The following SLC28A2 variants were observed in gnomAD, a reference collection of about 807,000 sequenced individuals.
The protein encoded by SLC28A2 is solute carrier family 28 member 2.
Under a neutral mutation model 72.9 loss-of-function variants are expected in SLC28A2, and 69 were observed. The ratio of observed to expected loss-of-function variants is 0.95; its 90% CI spans 0.78 to 1.16. SLC28A2 has a LOEUF of 1.16. SLC28A2 is among the 50% of genes most tolerant of loss of function. The probability of loss-of-function intolerance (pLI) is 0.00; values close to 1 mark genes in which losing one functional copy is unlikely to be tolerated. For missense variants in SLC28A2, 745 were observed against 791.1 expected, an observed-to-expected ratio of 0.94 and a Z score of 0.70; for synonymous variants, 296 against 294.1, an observed-to-expected ratio of 1.01 and a Z score of -0.07.
At position 45,264,042 on chromosome 15, in the gene SLC28A2, G is replaced by C. The variant is rs1311317682; in HGVS notation, c.588+20G>C. ...AGCGCAGTGAGTTTTGGGTATTTGG[G>C]TTGGGTATAGCAACACATGGCCAAG... On this transcript the variant is annotated intron_variant, in intron 6 of 17. Transcript: ENST00000347644. 1 of 1,601,168 alleles carries C rather than the reference G, an allele frequency of 6.2e-7. No individual in the cohort carries two copies.
intron 3 of SLC28A2, chr15:45,255,474 T>C (rs2140558680): frequency 6.6e-6 from 1 of 152,332 alleles, no homozygotes; most frequent in East Asian, 1.9e-4. Context: ...CAGGTGATAC[T>C]AAACAAATGA....
intron 13 of SLC28A2, among the ~76,000 whole-genome samples, chr15:45,268,821 G>GC (rs1900432172): frequency 6.6e-6 from 1 of 152,048 alleles, no homozygotes; most frequent in Non-Finnish European, 1.5e-5. Context: ...TATACACCAT[G>GC]GAATACTATG....
intron 5 of SLC28A2, 42 bp from the exon 6 acceptor site, chr15:45,263,839 A>T: frequency 6.4e-7 from 1 of 1,569,826 alleles, no homozygotes. Context: ...TTTGTTTTTC[A>T]TTCACTGGGT....
At chr15:45,259,490 A>G (rs1405449740) in intron 3 of SLC28A2, among the ~76,000 whole-genome samples, 1 of 152,140 alleles carries the variant, frequency 6.6e-6, no homozygotes, top group Non-Finnish European at 1.5e-5. Flanking sequence ...CAATTTTAAA[A>G]AGAAGTACAA....
intron 6 of SLC28A2, 37 bp downstream of exon 6, chr15:45,264,059 A>G: frequency 6.3e-7 from 1 of 1,580,604 alleles, no homozygotes; most frequent in Non-Finnish European, 8.6e-7. Context: ...ATAGCAACAC[A>G]TGGCCAAGGG....
chr15:45,254,156 A>C (rs1899899781), intron 3 of SLC28A2, among the ~76,000 whole-genome samples: 1 of 152,194 alleles, frequency 6.6e-6, no homozygotes. Context: ...AATAGATCAT[A>C]TGGAAAGAAG....
At chr15:45,253,045 A>G (rs1899843829) in intron 1 of SLC28A2, among the ~76,000 whole-genome samples, 155 bp from the exon 2 acceptor site, 1 of 152,252 alleles carries the variant, frequency 6.6e-6, no homozygotes, top group Non-Finnish European at 1.5e-5. Flanking sequence ...TTACACATCC[A>G]ATCTTCTCAA....
chr15:45,253,365 C>T, intron 2 of SLC28A2, 67 bp from the exon 3 acceptor site: 1 of 1,546,238 alleles, frequency 6.5e-7, no homozygotes, highest in Non-Finnish European at 8.9e-7. Context: ...GGGTATTTGG[C>T]TGCTCTCAAT....
At chr15:45,266,259 G>A in intron 10 of SLC28A2, 98 bp downstream of exon 10, 1 of 872,930 alleles carries the variant, frequency 1.1e-6, no homozygotes, top group Non-Finnish European at 1.9e-6. Context: ...TCAAATAAAT[G>A]AAGACTGTGG....
chr15:45,274,556 C>T (rs1023872734), intron 17 of SLC28A2, among the ~76,000 whole-genome samples: 6 of 152,140 alleles, frequency 3.9e-5, no homozygotes, highest in African/African-American at 1.4e-4. Flanking sequence ...CTGTTCACTA[C>T]ATAGCTAGAT....
chr15:45,270,599 C>A (rs190991619), intron 15 of SLC28A2, among the ~76,000 whole-genome samples: 11 of 151,790 alleles, frequency 7.2e-5, no homozygotes, highest in Admixed American at 3.3e-4. Context: ...TGGAATAGTG[C>A]ATATATAAAT....
At chr15:45,265,393 A>G (rs981760497) in intron 8 of SLC28A2, among the ~76,000 whole-genome samples, 190 bp from the exon 9 acceptor site, 1 of 152,212 alleles carries the variant, frequency 6.6e-6, no homozygotes, top group Non-Finnish European at 1.5e-5. Context: ...GTCAGAAAAC[A>G]GCTTGTGGTT....
In SLC28A2 at chr15:45,269,529, G is replaced by A. The variant is rs772916781; in HGVS notation, c.1560G>A (p.Trp520Ter). The change falls in exon 14 of 18, where the codon TGG becomes TGA. Residue 520 changes from tryptophan to a stop codon, truncating the protein, a stop_gained. Coordinates refer to ENST00000347644, the MANE Select transcript of SLC28A2 (RefSeq NM_004212.4). LOFTEE classifies it high-confidence loss of function. ...AGTGGATTGAGGGAGAGAAACAGTG[G>A]ATTTCTGTAAGTGACAATCCAAAAA... Reference protein sequence around the residue: ...MEEWIEGEKQWISVRAEIITT... With the variant: ...MEEWIEGEKQ 3.1e-6 allele frequency: 5 copies of A among 1,613,276 alleles called. No individual in the cohort carries two copies. The South Asian group carries it at 5.5e-5, about 18-fold the overall frequency.
chr15:45,255,700 T>C (rs1273578498), intron 3 of SLC28A2, among the ~76,000 whole-genome samples: 1 of 152,170 alleles, frequency 6.6e-6, no homozygotes, highest in Admixed American at 6.5e-5. Context: ...TATCATTATA[T>C]AAAATTTCCA....
At chr15:45,271,446 T>A (rs1900561762) in intron 15 of SLC28A2, among the ~76,000 whole-genome samples, 1 of 152,100 alleles carries the variant, frequency 6.6e-6, no homozygotes, top group East Asian at 1.9e-4. Flanking sequence ...ATGCCTGTAG[T>A]CCTATCTACT....
intron 13 of SLC28A2, among the ~76,000 whole-genome samples, chr15:45,268,674 C>T (rs1044738123): frequency 3.3e-5 from 5 of 152,052 alleles, no homozygotes; most frequent in Admixed American, 2.6e-4. Context: ...TGGGTATATA[C>T]CCAAAGGACT....
chr15:45,275,350 T>C (rs776788066), intron 17 of SLC28A2, 46 bp from the exon 18 acceptor site: 1 of 1,105,384 alleles, frequency 9.0e-7, no homozygotes, highest in Non-Finnish European at 1.4e-6. Flanking sequence ...TTTGTTGCTT[T>C]GTTCCTGTCT....
chr15:45,263,312 T>C (rs1028821383), intron 5 of SLC28A2, 68 bp downstream of exon 5: 8 of 1,505,256 alleles, frequency 5.3e-6, no homozygotes, highest in East Asian at 4.6e-5. Flanking sequence ...TCTCTTTTGA[T>C]AGTTGCTGAG....
At chr15:45,260,315 A>T (rs1287532552) in intron 3 of SLC28A2, among the ~76,000 whole-genome samples, 2 of 152,218 alleles carry the variant, frequency 1.3e-5, no homozygotes, top group Non-Finnish European at 2.9e-5. Flanking sequence ...ACATTGATGT[A>T]GTTTACATGA....
Sources: gnomAD v4.1 joint callset for allele counts (sites outside exome capture counted in the v4.1 genomes callset) on GRCh38, gnomAD v4.1.1 for gene constraint, MANE v1.5 for transcripts, NCBI Gene and HGNC (gene_info 2026-07-23, HGNC 2026-07-21) for gene names.